The following ABR variants were observed in gnomAD, a reference collection of about 807,000 sequenced individuals.
ABR encodes ABR activator of RhoGEF and GTPase, also known as active breakpoint cluster region-related protein.
Under a neutral mutation model 107.2 loss-of-function variants are expected in ABR, and 35 were observed. The ratio of observed to expected loss-of-function variants is 0.33; its 90% CI spans 0.25 to 0.43. The LOEUF (loss-of-function observed/expected upper bound fraction) is 0.43, where lower values mean the gene tolerates loss of function less well. Among genes scored for constraint, ABR ranks in the 20% least tolerant of loss-of-function variants. The probability of loss-of-function intolerance (pLI) is 1.00; values close to 1 mark genes in which losing one functional copy is unlikely to be tolerated. For missense variants in ABR, 815 were observed against 1,115.2 expected (o/e 0.73, Z 3.83); for synonymous variants, 498 against 462.0 (o/e 1.08, Z -1.00).
chr17:1,057,206 A>G (rs184526754), intron 12 of ABR, 104 bp from the exon 13 acceptor site: 10 of 740,092 alleles, frequency 1.4e-5, no homozygotes, highest in Middle Eastern at 3.2e-4. Context: ...TCCCTGGGGC[A>G]GACTTGGTCC....
At chr17:1,149,975 A>G (rs922161168) in intron 1 of ABR, among the ~76,000 whole-genome samples, 7 of 152,336 alleles carry the variant, frequency 4.6e-5, no homozygotes, top group Admixed American at 3.9e-4. Flanking sequence ...GAGTTAGTCC[A>G]GGCGAAGTTC....
intron 1 of ABR, among the ~76,000 whole-genome samples, chr17:1,149,479 C>T (rs927922720): frequency 2.0e-5 from 3 of 148,498 alleles, no homozygotes; most frequent in Admixed American, 6.8e-5. Context: ...GGCTGGAGTG[C>T]GGTGGTGTGA....
At position 1,045,769 on chromosome 17, in the gene ABR, A is replaced by G. The variant is rs151224513; in HGVS notation, c.1791+4281T>C. ...TTCTCACTGGAGAACATGGACCAAT[A>G]TACTCGTCTTTCCAATCTGACAGTG... On this transcript the variant is annotated intron_variant, in intron 16 of 22. Transcript: ENST00000302538. 2.8e-3 allele frequency among the ~76,000 whole-genome samples: 427 copies of G among 152,262 alleles called. 2 individuals are homozygous for G. Among genetic ancestry groups the G allele is most frequent in the African/African-American group, 9.6e-3 (400 of 41,554 alleles).
intron 2 of ABR, among the ~76,000 whole-genome samples, chr17:1,116,060 C>A (rs1168714713): frequency 1.3e-5 from 2 of 151,530 alleles, no homozygotes; most frequent in African/African-American, 4.9e-5. Context: ...AACCCCATCT[C>A]TACTAAAAAT....
chr17:1,100,700 C>G lies in ABR; in HGVS notation c.282G>C (p.Leu94=), dbSNP rs982789176. Residue 94 remains leucine (L), a synonymous_variant, in exon 3 of 23, where the codon CTG becomes CTC. Transcript: ENST00000302538. The part of the protein sequence containing the change: ...EAGKGLEMRK[L]VLSGFLASEE... ...CGCTGGCCAAGAACCCCGAGAGAAC[C>G]AGCTTCCTCATCTCCAGGCCTTTCC... 30 of 1,614,192 alleles carry G rather than the reference C, an allele frequency of 1.9e-5. No homozygotes were observed. Among genetic ancestry groups the G allele is most frequent in the Non-Finnish European group, 2.5e-5 (29 of 1,180,036 alleles).
intron 16 of ABR, among the ~76,000 whole-genome samples, chr17:1,020,383 G>T (rs868754239): frequency 1.3e-5 from 2 of 152,198 alleles, no homozygotes; most frequent in African/African-American, 4.8e-5. Context: ...GCATCCGGCC[G>T]ACTGTTTTCT....
Position 1,094,616 on chromosome 17 carries a change from G to A in ABR, c.346-2766C>T, listed in dbSNP as rs553642771. On this transcript the variant is annotated intron_variant, in intron 3 of 22. Transcript: ENST00000302538. ...AAACTCCTGACTTCAAGTGATCCAC[G>A]TGCCTCGGCCTCTTGAAGTGCTGGG... 8.7e-4 allele frequency among the ~76,000 whole-genome samples: 133 copies of A among 152,202 alleles called. 2 individuals carry two copies. The highest frequency in any genetic ancestry group is 3.4e-4 in the Non-Finnish European group (23 of 68,012).
intron 10 of ABR, among the ~76,000 whole-genome samples, chr17:1,065,790 G>A (rs563196301): frequency 2.1e-5 from 3 of 143,012 alleles, no homozygotes; most frequent in African/African-American, 7.9e-5. Context: ...CTGTTGCTCA[G>A]GCTGGAGTGC....
chr17:1,118,225 C>G lies in ABR; in HGVS notation c.246+6958G>C, dbSNP rs1046373124. On this transcript the variant is annotated intron_variant, in intron 2 of 22. Coordinates refer to ENST00000302538, the MANE Select transcript of ABR (RefSeq NM_021962.5). The stretch of plus-strand genomic sequence containing the variant: ...CGTTATCCCTGAGCCTGAGTTCTCC[C>G]CAGCGTTAACCCTGAGCCTGAGTTC... Among the ~76,000 whole-genome samples the G allele has an allele frequency of 1.6e-3, 158 of 97,378 alleles. 1 individual carries two copies. Among genetic ancestry groups the G allele is most frequent in the African/African-American group, 6.3e-3 (149 of 23,506 alleles). The allele number at this position is 97,378 out of a possible 152,430, so 63.9% of individuals were successfully genotyped here.
At chr17:1,215,235 A>G (rs2042976023) in intron 1 of ABR, among the ~76,000 whole-genome samples, 1 of 150,492 alleles carries the variant, frequency 6.6e-6, no homozygotes, top group Non-Finnish European at 1.5e-5. Context: ...AAAAAAAAAG[A>G]AAAGAAAGAG....
At chr17:1,013,982 G>A (rs2070895919) in intron 16 of ABR, among the ~76,000 whole-genome samples, 1 of 152,236 alleles carries the variant, frequency 6.6e-6, no homozygotes, top group Non-Finnish European at 1.5e-5. Context: ...GGCACTTTCT[G>A]AAGTCAAAAT....
chr17:1,046,562 C>T (rs1025909815), intron 16 of ABR, among the ~76,000 whole-genome samples: 1 of 152,228 alleles, frequency 6.6e-6, no homozygotes, highest in African/African-American at 2.4e-5. Flanking sequence ...TCCTTCCTCC[C>T]AGGGGCACCA....
intron 18 of ABR, chr17:1,012,378 C>G (rs1376510649): frequency 1.5e-6 from 1 of 659,324 alleles, no homozygotes; most frequent in Non-Finnish European, 2.8e-6. Flanking sequence ...GAGGGGCCGC[C>G]AGTCCCCGTT....
chr17:1,189,169 G>A (rs1567877109), upstream of ABR, among the ~76,000 whole-genome samples: 1 of 152,138 alleles, frequency 6.6e-6, no homozygotes, highest in South Asian at 2.1e-4. Flanking sequence ...CAGTGGCCAC[G>A]TTTTGGCTGG....
chr17:1,188,995 G>T (rs754138883), upstream of ABR, among the ~76,000 whole-genome samples: 15 of 152,134 alleles, frequency 9.9e-5, no homozygotes, highest in Non-Finnish European at 1.2e-4. Context: ...GTGAAACCTC[G>T]TGACTCCTAA....
intron 16 of ABR, among the ~76,000 whole-genome samples, chr17:1,035,037 G>A (rs937245795): frequency 1.3e-5 from 2 of 151,968 alleles, no homozygotes; most frequent in Non-Finnish European, 2.9e-5. Flanking sequence ...CGAGTTGGGA[G>A]TCTTCCCCTG....
chr17:1,014,763 A>C (rs542583780), intron 16 of ABR, among the ~76,000 whole-genome samples: 1 of 150,324 alleles, frequency 6.7e-6, no homozygotes, highest in African/African-American at 2.4e-5. Flanking sequence ...GGAGAATGGC[A>C]TGAACCCAGT....
At chr17:1,072,057 C>T (rs982735054) in intron 8 of ABR, among the ~76,000 whole-genome samples, 1 of 152,206 alleles carries the variant, frequency 6.6e-6, no homozygotes, top group Non-Finnish European at 1.5e-5. Flanking sequence ...GCATCCGCCA[C>T]CACGCCCAGC....
chr17:1,178,114 G>A (rs1384085885), intron 1 of ABR: 1 of 152,452 alleles, frequency 6.6e-6, no homozygotes, highest in Non-Finnish European at 1.5e-5. Flanking sequence ...TGGAGAAGAA[G>A]ATACAGGGAA....
Sources: gnomAD v4.1 joint callset for allele counts (sites outside exome capture counted in the v4.1 genomes callset) on GRCh38, gnomAD v4.1.1 for gene constraint, MANE v1.5 for transcripts, NCBI Gene and HGNC (gene_info 2026-07-23, HGNC 2026-07-21) for gene names.